Variants in HSDL1 observed in about 807,000 individuals in gnomAD.
HSDL1 encodes the protein inactive hydroxysteroid dehydrogenase-like protein 1.
A neutral mutation model predicts 31.5 loss-of-function variants in HSDL1; 29 were observed. The observed-to-expected ratio is 0.92, with a 90% CI of 0.69 to 1.26. HSDL1 has a LOEUF of 1.26. HSDL1 is among the 50% of genes most tolerant of loss of function. The pLI is 0.00. For missense variants in HSDL1, 503 were observed against 416.6 expected (o/e 1.21, Z -1.81); for synonymous variants, 222 against 155.2 (o/e 1.43, Z -3.20).
rs539995396 is a variant in HSDL1 at position 84,131,531 on chromosome 16, A to G, written c.-6-204T>C. On this transcript the variant is annotated intron_variant, in intron 2 of 5. Transcript: ENST00000219439. ...TATCTATCTATCTATCTATCTATCT[A>G]TCAGACAGAGTCTCACCCTGTCGCC... Among the ~76,000 whole-genome samples, 108 of 146,686 alleles carry G rather than the reference A, an allele frequency of 7.4e-4. 2 individuals are homozygous for G. In the South Asian group the frequency reaches 0.013, roughly 18 times the overall value.
At chr16:84,139,306 C>A in intron 1 of HSDL1, 1 of 152,348 alleles carries the variant, frequency 6.6e-6, no homozygotes. Flanking sequence ...CATCATGTGT[C>A]CTTGTAAGGG....
Position 84,129,965 on chromosome 16 carries a change from T to C in HSDL1, c.666+21A>G, listed in dbSNP as rs562436494. ...TGTTCTGTGGCATTAGGATTTCATC[T>C]TCCAGTAAGTAACATCTGACCTTAG... On this transcript the variant is annotated intron_variant, in intron 4 of 5. Coordinates refer to ENST00000219439, the MANE Select transcript of HSDL1 (RefSeq NM_031463.5). 38 of 1,600,684 alleles carry C rather than the reference T, an allele frequency of 2.4e-5. No homozygotes were observed. In the African/African-American group the frequency reaches 4.8e-4, roughly 20 times the overall value.
intron 1 of HSDL1, among the ~76,000 whole-genome samples, chr16:84,139,882 ATTG>A (rs922240552): frequency 2.0e-5 from 3 of 149,688 alleles, no homozygotes; most frequent in African/African-American, 7.7e-5. Flanking sequence ...GGCTGTTTTC[ATTG>A]ATGAAAACAT....
chr16:84,144,073 C>T (rs1361357997), intron 1 of HSDL1, among the ~76,000 whole-genome samples: 5 of 143,964 alleles, frequency 3.5e-5, no homozygotes, highest in East Asian at 2.0e-4. Flanking sequence ...TCCCTCCCTC[C>T]CTCTCTCTCT....
chr16:84,129,504 C>G (rs377385932), intron 5 of HSDL1, 44 bp downstream of exon 5: 112 of 1,321,682 alleles, frequency 8.5e-5, no homozygotes, highest in Non-Finnish European at 5.6e-5. Context: ...GAGATAGGTT[C>G]ATGATGCATT....
intron 1 of HSDL1, among the ~76,000 whole-genome samples, chr16:84,142,333 G>C (rs574807149): frequency 1.3e-5 from 2 of 151,154 alleles, no homozygotes; most frequent in Admixed American, 1.3e-4. Flanking sequence ...AAATTTTTTC[G>C]AATTATTTTC....
chr16:84,138,853 G>A (rs1186981227), intron 1 of HSDL1, among the ~76,000 whole-genome samples: 3 of 152,164 alleles, frequency 2.0e-5, no homozygotes, highest in Non-Finnish European at 1.5e-5. Context: ...GGTCAAAACT[G>A]CAAGTAGCAA....
chr16:84,126,643 C>G (rs1332746090), intron 5 of HSDL1, among the ~76,000 whole-genome samples: 1 of 152,176 alleles, frequency 6.6e-6, no homozygotes, highest in Non-Finnish European at 1.5e-5. Flanking sequence ...ACATTCTAGT[C>G]TTGAACTGAA....
At chr16:84,131,941 A>G (rs1168736604) in intron 2 of HSDL1, among the ~76,000 whole-genome samples, 3 of 152,222 alleles carry the variant, frequency 2.0e-5, no homozygotes, top group Non-Finnish European at 4.4e-5. Context: ...TTGGCCTCCC[A>G]AAGTGCTGGG....
chr16:84,130,104 A>G lies in HSDL1; in HGVS notation c.548T>C (p.Leu183Ser), dbSNP rs561337112. The G allele has an allele frequency of 2.5e-6, 4 of 1,614,134 alleles. No homozygotes were observed. In the Admixed American group the frequency reaches 6.7e-5, roughly 27 times the overall value. The part of the protein sequence containing the change: ...IINVNIAAAS[L>S]MVHVVLPGMV... ...TCCCGGTAACACAACATGGACCATC[A>G]AACTAGCGGCGGCAATGTTCACATT... The change falls in exon 4 of 6, where the codon TTG (leucine) becomes TCG (serine). Residue 183 changes from leucine to serine, a missense_variant. Physicochemically the swap from Leu to Ser is moderately radical, Grantham distance 145 (BLOSUM62 -2). Transcript: ENST00000219439.
intron 5 of HSDL1, 50 bp from the exon 6 acceptor site, chr16:84,124,778 C>G: frequency 7.9e-7 from 1 of 1,267,278 alleles, no homozygotes; most frequent in South Asian, 1.2e-5. Flanking sequence ...AAAATCAACA[C>G]TGAAGGAACA....
At position 84,127,390 on chromosome 16, in the gene HSDL1, A is replaced by C. The variant is rs546003234; in HGVS notation, c.894+2158T>G. Among the ~76,000 whole-genome samples the C allele has an allele frequency of 4.0e-5, 6 of 150,896 alleles. No homozygotes were observed. In the South Asian group the frequency reaches 1.3e-3, roughly 32 times the overall value. ...ACCACCATGACCAGTTAATTTTTATATTTTTAGTAGAGATGGGGTTTCACC... is the reference window on the plus strand; with the variant it reads ...ACCACCATGACCAGTTAATTTTTATCTTTTTAGTAGAGATGGGGTTTCACC... On this transcript the variant is annotated intron_variant, in intron 5 of 5. Transcript: ENST00000219439.
Position 84,137,723 on chromosome 16 carries a change from G to A in HSDL1, c.-68-2118C>T, listed in dbSNP as rs546977746. Among the ~76,000 whole-genome samples, 4 of 152,296 alleles carry A rather than the reference G, an allele frequency of 2.6e-5. No homozygotes were observed. In the South Asian group the frequency reaches 8.3e-4, roughly 32 times the overall value. On this transcript the variant is annotated intron_variant, in intron 1 of 5. Transcript: ENST00000219439. The stretch of plus-strand genomic sequence containing the variant: ...TCTTCCCCACCCTTCTGTACATGAT[G>A]GAAAATAACATTTTTCTCATGACAA...
chr16:84,131,178 G>A lies in HSDL1; in HGVS notation c.144C>T (p.Ile48=), dbSNP rs140132616. Residue 48 remains isoleucine (I), a synonymous_variant, in exon 3 of 6, where the codon ATC becomes ATT. Transcript: ENST00000219439. ...ITVICDFYSL[I]RLHFIPRLGS... ...CCAGGCGGGGGATAAAATGCAGCCTGATCAGGCTGTAAAAGTCACAGATGA... is the reference window on the plus strand; with the variant it reads ...CCAGGCGGGGGATAAAATGCAGCCTAATCAGGCTGTAAAAGTCACAGATGA... 3 of 1,614,202 alleles carry A rather than the reference G, an allele frequency of 1.9e-6. No individual in the cohort carries two copies. In the African/African-American group the frequency reaches 4.0e-5, roughly 22 times the overall value.
chr16:84,136,601 C>G (rs2086714724), intron 1 of HSDL1, among the ~76,000 whole-genome samples: 2 of 152,232 alleles, frequency 1.3e-5, no homozygotes, highest in African/African-American at 2.4e-5. Flanking sequence ...GGACCTCCCA[C>G]TCAGGCCAGC....
In HSDL1 at chr16:84,131,335, G is replaced by GA; in HGVS notation, c.-6-9dup. ...AACAGCAGCCATGGCAACCTGCAGG[G>GA]AGAGGGAAAGAGAGAGAGCCTCTTT... is the stretch of plus-strand genomic sequence containing the variant. On this transcript the variant is annotated splice_polypyrimidine_tract_variant and intron_variant, in intron 2 of 5. Coordinates refer to ENST00000219439, the MANE Select transcript of HSDL1 (RefSeq NM_031463.5). The GA allele has an allele frequency of 5.1e-6, 8 of 1,563,178 alleles. No individual in the cohort carries two copies. The highest frequency in any genetic ancestry group is 7.1e-6 in the Non-Finnish European group (8 of 1,134,602).
intron 1 of HSDL1, among the ~76,000 whole-genome samples, chr16:84,141,635 G>A (rs2086770370): frequency 6.6e-6 from 1 of 152,234 alleles, no homozygotes; most frequent in Admixed American, 6.5e-5. Flanking sequence ...GCAGGTTCGT[G>A]CCACTCCTCA....
In HSDL1 at chr16:84,122,774, T is replaced by C. The variant is rs1027041714; in HGVS notation, c.*1856A>G. The C allele has an allele frequency of 3.9e-5, 6 of 152,228 alleles. No homozygotes were observed. The highest frequency in any genetic ancestry group is 1.2e-4 in the African/African-American group (5 of 41,452). 9.4% of individuals were successfully genotyped at this position (152,228 alleles called of 1,614,324 possible). A position where few individuals can be genotyped will look rare whatever the true frequency, so the allele number is the denominator to read the frequency against. ...AACCTAGAGAAGGTCTTGCTCTTCA[T>C]CTTTCACTGCAGCTATGGACAGCTC... On this transcript the variant is annotated 3_prime_UTR_variant, in exon 6 of 6. Coordinates refer to ENST00000219439, the MANE Select transcript of HSDL1 (RefSeq NM_031463.5).
intron 5 of HSDL1, among the ~76,000 whole-genome samples, chr16:84,125,460 C>T (rs2086596936): frequency 6.7e-6 from 1 of 149,516 alleles, no homozygotes. Flanking sequence ...CAATACCCAC[C>T]AATCAATCAC....
Sources: gnomAD v4.1 joint callset for allele counts (sites outside exome capture counted in the v4.1 genomes callset) on GRCh38, gnomAD v4.1.1 for gene constraint, MANE v1.5 for transcripts, NCBI Gene and HGNC (gene_info 2026-07-23, HGNC 2026-07-21) for gene names.